Variants in HEXB observed in about 807,000 individuals in gnomAD.
The protein encoded by HEXB is hexosaminidase subunit beta.
Under a neutral mutation model 71.2 loss-of-function variants are expected in HEXB, and 51 were observed. That is an observed-to-expected ratio of 0.72 (90% CI 0.57 to 0.90). The LOEUF (loss-of-function observed/expected upper bound fraction) is 0.90. Ranked by LOEUF, HEXB falls within the 40% of genes least tolerant of loss-of-function variation. HEXB has a pLI of 0.00. For missense variants in HEXB, 617 were observed against 677.0 expected, an observed-to-expected ratio of 0.91 and a Z score of 0.98; for synonymous variants, 266 against 249.3, an observed-to-expected ratio of 1.07 and a Z score of -0.63.
chr5:74,678,962 C>T (rs540544195), intron 1 of HEXB, among the ~76,000 whole-genome samples: 2 of 152,136 alleles, frequency 1.3e-5, no homozygotes, highest in South Asian at 4.1e-4. Context: ...AAACAACTTA[C>T]AAAATTGAAA....
chr5:74,702,385 C>G (rs539374891), intron 5 of HEXB, among the ~76,000 whole-genome samples: 1 of 152,288 alleles, frequency 6.6e-6, no homozygotes, highest in African/African-American at 2.4e-5. Flanking sequence ...GCCTCCTTGT[C>G]TTTTAAGACC....
intron 11 of HEXB, chr5:74,720,036 A>G (rs1749785993): frequency 4.6e-6 from 1 of 218,092 alleles, no homozygotes; most frequent in East Asian, 1.1e-4. Context: ...ACAGTCCACT[A>G]AAAAACTAGT....
At position 74,706,090 on chromosome 5, in the gene HEXB, G is replaced by A. The variant is rs11949631; in HGVS notation, c.771+770G>A. On this transcript the variant is annotated intron_variant, in intron 6 of 13. Transcript: ENST00000261416. ...ACAGAATAGTTTAATGAACTCCCAT[G>A]TTCTCATCATGCCAGTTCAAACATG... 1.5e-3 allele frequency: 225 copies of A among 152,454 alleles called. 1 individual carries two copies. Among genetic ancestry groups the A allele is most frequent in the African/African-American group, 5.3e-3 (219 of 41,548 alleles). 9.4% of individuals were successfully genotyped at this position (152,454 alleles called of 1,614,324 possible). A position where few individuals can be genotyped will look rare whatever the true frequency, so the allele number is the denominator to read the frequency against.
At chr5:74,661,549 GTGTGTGTGTGTGTGTCTC>G (rs1455162102) in intron 1 of HEXB, among the ~76,000 whole-genome samples, 61 of 79,572 alleles carry the variant, frequency 7.7e-4, no homozygotes, top group African/African-American at 4.5e-3. Context: ...GTGTGTGTGT[GTGTGTGTGTGTGTGTCTC>G]TCTCTCTCTC....
chr5:74,705,181 A>C, intron 5 of HEXB, 38 bp from the exon 6 acceptor site: 1 of 1,090,894 alleles, frequency 9.2e-7, no homozygotes, highest in Non-Finnish European at 1.4e-6. Context: ...TGTATATGAT[A>C]TCTGCAGTAA....
At chr5:74,690,611 C>T (rs891114449) in intron 2 of HEXB, among the ~76,000 whole-genome samples, 3 of 119,578 alleles carry the variant, frequency 2.5e-5, no homozygotes, top group Admixed American at 2.2e-4. Context: ...GCAATCATGC[C>T]GCTGCACTCC....
At chr5:74,697,497 A>C (rs183042052) in intron 5 of HEXB, among the ~76,000 whole-genome samples, 1 of 152,240 alleles carries the variant, frequency 6.6e-6, no homozygotes, top group Admixed American at 6.5e-5. Context: ...AGGCTGAGGC[A>C]GGTGGATCAC....
chr5:74,704,081 C>G (rs1749324056), intron 5 of HEXB, among the ~76,000 whole-genome samples: 1 of 152,212 alleles, frequency 6.6e-6, no homozygotes, highest in Non-Finnish European at 1.5e-5. Flanking sequence ...CTATGGCTTG[C>G]AAAGCCAAAA....
At chr5:74,659,490 T>C (rs1748279354) in intron 1 of HEXB, among the ~76,000 whole-genome samples, 1 of 152,106 alleles carries the variant, frequency 6.6e-6, no homozygotes. Flanking sequence ...CTCAAAGTTA[T>C]TGCAGGGTAG....
At chr5:74,720,622 G>T in intron 12 of HEXB, 21 bp from the exon 13 acceptor site, 1 of 1,606,972 alleles carries the variant, frequency 6.2e-7, no homozygotes, top group Non-Finnish European at 8.5e-7. Flanking sequence ...CTTGCGGGGG[G>T]ATGTGTGATT....
chr5:74,682,190 C>T (rs1748750268), upstream of HEXB, among the ~76,000 whole-genome samples: 1 of 152,192 alleles, frequency 6.6e-6, no homozygotes, highest in Non-Finnish European at 1.5e-5. Context: ...AACCCCATCT[C>T]TACTAAAAAT....
chr5:74,661,509 CTCTCTGTGTGTG>C (rs1255133591), intron 1 of HEXB, among the ~76,000 whole-genome samples: 878 of 71,278 alleles, frequency 0.012, 12 homozygotes, highest in East Asian at 0.089. Context: ...CATTTTCTCT[CTCTCTGTGTGTG>C]TGTGTGTGTG....
At chr5:74,693,812 A>C in intron 3 of HEXB, 108 bp downstream of exon 3, 1 of 806,952 alleles carries the variant, frequency 1.2e-6, no homozygotes, top group Non-Finnish European at 2.2e-6. Flanking sequence ...TCCTTTACAG[A>C]ATGCTTTGTT....
At chr5:74,717,951 A>C (rs931471281) in intron 9 of HEXB, among the ~76,000 whole-genome samples, 1 of 152,218 alleles carries the variant, frequency 6.6e-6, no homozygotes, top group Admixed American at 6.5e-5. Context: ...CTACCATTTT[A>C]AGACAGCCAT....
intron 1 of HEXB, among the ~76,000 whole-genome samples, chr5:74,650,662 C>T (rs968915612): frequency 3.3e-5 from 5 of 152,040 alleles, no homozygotes; most frequent in Non-Finnish European, 7.4e-5. Context: ...TGGCTCACGC[C>T]TGTCATCCCA....
In HEXB at chr5:74,713,615, A is replaced by G. The variant is rs1749605069; in HGVS notation, c.881A>G (p.His294Arg). 6.2e-7 allele frequency: 1 copy of G among 1,613,380 alleles called. No homozygotes were observed. Among genetic ancestry groups the G allele is most frequent in the Non-Finnish European group, 8.5e-7 (1 of 1,179,314 alleles). Residue 294 changes from histidine to arginine, a missense_variant, in exon 7 of 14, where the codon CAT (histidine) becomes CGT (arginine). By Grantham distance (29) the His-to-Arg change is conservative (BLOSUM62 0). Coordinates refer to ENST00000261416, the MANE Select transcript of HEXB (RefSeq NM_000521.4). ...RVLPEFDTPG[H>R]TLSWGKGQKD... is the part of the protein sequence containing the mutation. ...CTGCCAGAATTTGATACCCCTGGGC[A>G]TACACTATCTTGGGGAAAAGGTAAG... is the stretch of plus-strand genomic sequence containing the variant.
chr5:74,690,333 A>G (rs1748969068), intron 2 of HEXB, among the ~76,000 whole-genome samples: 1 of 152,154 alleles, frequency 6.6e-6, no homozygotes, highest in Non-Finnish European at 1.5e-5. Context: ...TTCGTGCAAG[A>G]AAGAGCAGAC....
At chr5:74,651,530 A>G (rs1317104938) in intron 1 of HEXB, among the ~76,000 whole-genome samples, 2 of 152,214 alleles carry the variant, frequency 1.3e-5, no homozygotes, top group African/African-American at 2.4e-5. Flanking sequence ...TAGGCTATCT[A>G]GAAAGCTTCA....
At position 74,685,252 on chromosome 5, in the gene HEXB, C is replaced by G. The variant is rs113440205; in HGVS notation, c.-9C>G. On this transcript the variant is annotated 5_prime_UTR_variant, in exon 1 of 14. Transcript: ENST00000261416. Reference sequence around the variant, plus strand: ...CTCGGCAGACCGGGCGGAAAGCAGCCGAGCGGCCATGGAGCTGTGCGGGCT... The same window carrying G: ...CTCGGCAGACCGGGCGGAAAGCAGCGGAGCGGCCATGGAGCTGTGCGGGCT... 32 of 1,502,354 alleles carry G rather than the reference C, an allele frequency of 2.1e-5. No homozygotes were observed. Among genetic ancestry groups the G allele is most frequent in the African/African-American group, 1.9e-4 (13 of 69,100 alleles). 93.1% of individuals were successfully genotyped at this position (1,502,354 alleles called of 1,614,324 possible). A position where few individuals can be genotyped will look rare whatever the true frequency, so the allele number is the denominator to read the frequency against.
Sources: allele counts gnomAD v4.1 joint callset (sites outside exome capture counted in the v4.1 genomes callset), GRCh38; gene constraint gnomAD v4.1.1; transcripts MANE v1.5; gene names NCBI Gene and HGNC (gene_info 2026-07-23, HGNC 2026-07-21).